Variants in DMRT3 observed in about 807,000 individuals in gnomAD.
DMRT3 encodes doublesex and mab-3 related transcription factor 3, also known as doublesex- and mab-3-related transcription factor 3.
Under a neutral mutation model 34.9 loss-of-function variants are expected in DMRT3, and 29 were observed. The ratio of observed to expected loss-of-function variants is 0.83; its 90% CI spans 0.62 to 1.13. DMRT3 has a LOEUF of 1.13. Ranked by LOEUF, DMRT3 falls within the 50% of genes most tolerant of loss-of-function variation. The probability of loss-of-function intolerance (pLI) is 0.00; values close to 1 mark genes in which losing one functional copy is unlikely to be tolerated. For missense variants in DMRT3, 772 were observed against 629.1 expected, an observed-to-expected ratio of 1.23 and a Z score of -2.43; for synonymous variants, 350 against 286.0, an observed-to-expected ratio of 1.22 and a Z score of -2.26.
rs758665068 is a variant in DMRT3 at position 990,134 on chromosome 9, T to C, written c.548T>C (p.Val183Ala). 5 of 1,613,836 alleles carry C rather than the reference T, an allele frequency of 3.1e-6. No individual in the cohort carries two copies. The African/African-American group carries it at 4.0e-5, about 13-fold the overall frequency. Residue 183 changes from valine (V) to alanine (A), a missense_variant, in exon 2 of 2, where the codon GTG becomes GCG. Coordinates refer to ENST00000190165, the MANE Select transcript of DMRT3 (RefSeq NM_021240.4). ...KDTDQRSSPD[V>A]AKSKGCFTPE... Reference sequence around the variant, plus strand: ...ACTGACCAGAGGAGTTCCCCAGATGTGGCAAAGAGTAAGGGCTGCTTCACC... The same window carrying C: ...ACTGACCAGAGGAGTTCCCCAGATGCGGCAAAGAGTAAGGGCTGCTTCACC...
Position 990,692 on chromosome 9 carries a change from C to A in DMRT3, c.1106C>A (p.Pro369Gln), listed in dbSNP as rs371663141. The A allele has an allele frequency of 1.2e-6, 2 of 1,614,118 alleles. No homozygotes were observed. Among genetic ancestry groups the A allele is most frequent in the Non-Finnish European group, 1.7e-6 (2 of 1,180,032 alleles). Residue 369 changes from proline (P) to glutamine (Q), a missense_variant, in exon 2 of 2, where the codon CCG becomes CAG. Coordinates refer to ENST00000190165, the MANE Select transcript of DMRT3 (RefSeq NM_021240.4). The stretch of plus-strand genomic sequence containing the variant: ...CCTTTCCCCCAGCCACCCCGGTACC[C>A]GCTGATGCTGAGGAATACTTTGGCG... Reference protein sequence around the residue: ...QPPFPQPPRYPLMLRNTLARS... With the variant: ...QPPFPQPPRYQLMLRNTLARS...
At chr9:979,960 A>T (rs1041809755) in intron 1 of DMRT3, among the ~76,000 whole-genome samples, 1 of 152,276 alleles carries the variant, frequency 6.6e-6, no homozygotes, top group African/African-American at 2.4e-5. Context: ...CATTAAGTAT[A>T]CAGACCATCA....
chr9:982,698 TC>T (rs1820236891), intron 1 of DMRT3, among the ~76,000 whole-genome samples: 1 of 152,162 alleles, frequency 6.6e-6, no homozygotes, highest in South Asian at 2.1e-4. Flanking sequence ...TAAATCAAAG[TC>T]CCTGGAGGAC....
intron 1 of DMRT3, among the ~76,000 whole-genome samples, chr9:987,291 G>T (rs1791878858): frequency 6.6e-6 from 1 of 152,104 alleles, no homozygotes; most frequent in African/African-American, 2.4e-5. Flanking sequence ...TATAAGTAGA[G>T]TCATACAGTA....
At position 977,361 on chromosome 9, in the gene DMRT3, G is replaced by C. The variant is rs1820164789; in HGVS notation, c.360G>C (p.Pro120=). 8.1e-7 allele frequency: 1 copy of C among 1,232,532 alleles called. No homozygotes were observed. The highest frequency in any genetic ancestry group is 1.0e-6 in the Non-Finnish European group (1 of 990,626). 76.3% of individuals were successfully genotyped at this position (1,232,532 alleles called of 1,614,324 possible). A position where few individuals can be genotyped will look rare whatever the true frequency, so the allele number is the denominator to read the frequency against. ...PPASQPSQPQ[P]PRPAAELAAA... ...CCTCTCAGCCGTCGCAGCCGCAGCC[G>C]CCGCGCCCTGCTGCCGAGTTGGCCG... is the stretch of plus-strand genomic sequence containing the variant. Residue 120 remains proline, a synonymous_variant, in exon 1 of 2, where the codon CCG becomes CCC. Coordinates refer to ENST00000190165, the MANE Select transcript of DMRT3 (RefSeq NM_021240.4).
rs758665068 is a variant in DMRT3, at chr9:990,134, T to G, written c.548T>G (p.Val183Gly). The G allele has an allele frequency of 2.5e-6, 4 of 1,613,954 alleles. No homozygotes were observed. Among genetic ancestry groups the G allele is most frequent in the Non-Finnish European group, 3.4e-6 (4 of 1,179,992 alleles). ...KDTDQRSSPDVAKSKGCFTPE... is the reference protein window; with the variant it reads ...KDTDQRSSPDGAKSKGCFTPE... ...ACTGACCAGAGGAGTTCCCCAGATG[T>G]GGCAAAGAGTAAGGGCTGCTTCACC... Residue 183 changes from valine (V) to glycine (G), a missense_variant, in exon 2 of 2, where the codon GTG becomes GGG. By Grantham distance (109) the Val-to-Gly change is moderately radical. Coordinates refer to ENST00000190165, the MANE Select transcript of DMRT3 (RefSeq NM_021240.4).
At chr9:985,214 G>T (rs76909381) in intron 1 of DMRT3, among the ~76,000 whole-genome samples, 2,944 of 152,228 alleles carry the variant, frequency 0.019, 40 homozygotes, top group Non-Finnish European at 0.03. Flanking sequence ...ACAGCATATT[G>T]TATCACTTTC....
At position 977,172 on chromosome 9, in the gene DMRT3, G is replaced by A; in HGVS notation, c.171G>A (p.Lys57=). The A allele has an allele frequency of 6.2e-7, 1 of 1,610,906 alleles. No individual in the cohort carries two copies. The highest frequency in any genetic ancestry group is 8.5e-7 in the Non-Finnish European group (1 of 1,178,858). The change falls in exon 1 of 2, where the codon AAG becomes AAA. Residue 57 remains lysine, a synonymous_variant. Coordinates refer to ENST00000190165, the MANE Select transcript of DMRT3 (RefSeq NM_021240.4). ...GCTTCAAGGACTGCACCTGCGAGAA[G>A]TGCATCCTCATCATCGAGCGGCAGC... ...YCRFKDCTCE[K]CILIIERQRV... is the part of the protein sequence containing the mutation.
intron 1 of DMRT3, among the ~76,000 whole-genome samples, chr9:984,880 C>A (rs1820265221): frequency 6.6e-6 from 1 of 151,648 alleles, no homozygotes; most frequent in Admixed American, 6.6e-5. Flanking sequence ...GAAAAACTCC[C>A]CTAAAGAAAG....
rs541581552 is a variant in DMRT3 at position 982,953 on chromosome 9, C to T, written c.454+5498C>T. 5.3e-5 allele frequency among the ~76,000 whole-genome samples: 8 copies of T among 152,218 alleles called. No individual in the cohort carries two copies. The South Asian group carries it at 1.2e-3, about 24-fold the overall frequency. Reference sequence around the variant, plus strand: ...CTGTGTGGCTCTGATGGCTTGTGCACGGGTGCTCATGGCAGAGGTGGAGGA... The same window carrying T: ...CTGTGTGGCTCTGATGGCTTGTGCATGGGTGCTCATGGCAGAGGTGGAGGA... On this transcript the variant is annotated intron_variant, in intron 1 of 1. Transcript: ENST00000190165.
intron 1 of DMRT3, among the ~76,000 whole-genome samples, chr9:979,336 A>G (rs1390821087): frequency 3.3e-5 from 5 of 152,162 alleles, no homozygotes; most frequent in African/African-American, 1.2e-4. Flanking sequence ...AAGGAAACGG[A>G]TCTCAACTGG....
intron 1 of DMRT3, among the ~76,000 whole-genome samples, chr9:984,726 G>A (rs1458264288): frequency 6.6e-6 from 1 of 151,974 alleles, no homozygotes; most frequent in African/African-American, 2.4e-5. Context: ...CAAAGTGCTG[G>A]GATTACAGGT....
chr9:983,484 AT>A (rs1820246948), intron 1 of DMRT3, among the ~76,000 whole-genome samples: 1 of 152,114 alleles, frequency 6.6e-6, no homozygotes, highest in African/African-American at 2.4e-5. Flanking sequence ...CTTACTTGGA[AT>A]TTTGCAAAAG....
intron 1 of DMRT3, among the ~76,000 whole-genome samples, chr9:979,084 G>C (rs965452078): frequency 3.3e-5 from 5 of 152,184 alleles, no homozygotes; most frequent in African/African-American, 1.2e-4. Context: ...AGAGGCCTGA[G>C]TTAACATCAG....
intron 1 of DMRT3, among the ~76,000 whole-genome samples, chr9:980,165 G>T (rs1820199428): frequency 6.6e-6 from 1 of 152,184 alleles, no homozygotes; most frequent in African/African-American, 2.4e-5. Context: ...CATGCCTTAA[G>T]GAAGAGTATG....
chr9:976,912 C>T lies in DMRT3; in HGVS notation c.-90C>T, dbSNP rs1820154484. The T allele has an allele frequency of 3.8e-6, 5 of 1,322,058 alleles. No homozygotes were observed. In the East Asian group the frequency reaches 1.5e-4, roughly 40 times the overall value. The allele number at this position is 1,322,058 out of a possible 1,614,324, so 81.9% of individuals were successfully genotyped here. A position where few individuals can be genotyped will look rare whatever the true frequency, so the allele number is the denominator to read the frequency against. On this transcript the variant is annotated 5_prime_UTR_variant, in exon 1 of 2. Coordinates refer to ENST00000190165, the MANE Select transcript of DMRT3 (RefSeq NM_021240.4). The surrounding 1 kb of genome is among the most constrained non-coding windows in gnomAD (Gnocchi z 4.5). ...ACCAAGGGCCGCGTCGCCCGGAGGC[C>T]GCCCCTGAGCGGGCCTCGCAGCCCC... is the stretch of plus-strand genomic sequence containing the variant.
intron 1 of DMRT3, among the ~76,000 whole-genome samples, chr9:979,588 AC>A (rs1820191660): frequency 6.6e-6 from 1 of 151,950 alleles, no homozygotes; most frequent in Admixed American, 6.6e-5. Context: ...ACTTGCTGTG[AC>A]CCCATAATTC....
chr9:979,340 C>A (rs1459426643), intron 1 of DMRT3, among the ~76,000 whole-genome samples: 1 of 152,188 alleles, frequency 6.6e-6, no homozygotes, highest in African/African-American at 2.4e-5. Context: ...AAACGGATCT[C>A]AACTGGACAA....
chr9:986,148 A>G (rs997125331), intron 1 of DMRT3, among the ~76,000 whole-genome samples: 4 of 152,236 alleles, frequency 2.6e-5, no homozygotes, highest in African/African-American at 9.6e-5. Context: ...ACAAAATGAG[A>G]AAGTGACTTT....
Sources: gnomAD v4.1 joint callset for allele counts (sites outside exome capture counted in the v4.1 genomes callset) on GRCh38, gnomAD v4.1.1 for gene constraint, Gnocchi (gnomAD v3.1) non-coding constraint, MANE v1.5 for transcripts, NCBI Gene and HGNC (gene_info 2026-07-23, HGNC 2026-07-21) for gene names.